The following CDK10 variants were observed in gnomAD, a reference collection of about 807,000 sequenced individuals.
CDK10 encodes the protein cyclin-dependent kinase 10.
Under a neutral mutation model 51.0 loss-of-function variants are expected in CDK10, and 55 were observed. The observed-to-expected ratio is 1.08, with a 90% CI of 0.87 to 1.35. The LOEUF is 1.35. Ranked by LOEUF, CDK10 falls within the 40% of genes most tolerant of loss-of-function variation. The pLI is 0.00. For missense variants in CDK10, 589 were observed against 485.1 expected, an observed-to-expected ratio of 1.21 and a Z score of -2.01; for synonymous variants, 255 against 199.1, an observed-to-expected ratio of 1.28 and a Z score of -2.36.
At chr16:89,691,015 G>C (rs1374902115) in intron 3 of CDK10, among the ~76,000 whole-genome samples, 3 of 152,230 alleles carry the variant, frequency 2.0e-5, no homozygotes, top group East Asian at 1.9e-4. Flanking sequence ...GCCGGGCATG[G>C]TGGCTCATGC....
chr16:89,691,535 C>T lies in CDK10; in HGVS notation c.325C>T (p.His109Tyr), dbSNP rs1212845250. 1 of 1,613,390 alleles carries T rather than the reference C, an allele frequency of 6.2e-7. No individual in the cohort carries two copies. The highest frequency in any genetic ancestry group is 1.3e-5 in the African/African-American group (1 of 74,912). The part of the protein sequence containing the change: ...VELKEVVVGN[H>Y]LESIFLVMGY... ...GCTGAAGGAGGTGGTTGTGGGGAAC[C>T]ACCTGGAGAGGTACGTGGTCTCCTG... The change falls in exon 4 of 13, where the codon CAC (histidine) becomes TAC (tyrosine). Residue 109 changes from histidine to tyrosine, a missense_variant. Transcript: ENST00000353379.
Position 89,692,437 on chromosome 16 carries a change from C to T in CDK10, c.418-12C>T, listed in dbSNP as rs776111843. 9.7e-6 allele frequency: 15 copies of T among 1,552,248 alleles called. No homozygotes were observed. The highest frequency in any genetic ancestry group is 7.2e-5 in the East Asian group (3 of 41,490). On this transcript the variant is annotated splice_polypyrimidine_tract_variant and intron_variant, in intron 5 of 12. Transcript: ENST00000353379. ...GGCTCACCCTGACTGGTACCTCTGA[C>T]CCTCTGCACAGGTCAAGTGCATCGT...
chr16:89,695,811 G>C lies in CDK10; in HGVS notation c.*119G>C. 6.4e-7 allele frequency: 1 copy of C among 1,553,212 alleles called. No individual in the cohort carries two copies. Among genetic ancestry groups the C allele is most frequent in the Non-Finnish European group, 8.7e-7 (1 of 1,152,828 alleles). On this transcript the variant is annotated 3_prime_UTR_variant, in exon 13 of 13. Transcript: ENST00000353379. ...GGGATCCAGCTCATCCCCTTGGCTG[G>C]GAACATCCTCCACTGACTTCCTCCC...
intron 1 of CDK10, 146 bp downstream of exon 1, chr16:89,686,943 G>A: frequency 3.0e-6 from 2 of 656,908 alleles, no homozygotes; most frequent in South Asian, 2.2e-5. Flanking sequence ...CGGCGGGGGC[G>A]GAAGCCGGGG....
At chr16:89,693,573 C>A in intron 8 of CDK10, 106 bp downstream of exon 8, 4 of 1,122,334 alleles carry the variant, frequency 3.6e-6, no homozygotes, top group Middle Eastern at 2.8e-4. Context: ...GAATGTTAAG[C>A]TACAGGGTCT....
At chr16:89,688,749 G>T (rs905329629) in intron 1 of CDK10, among the ~76,000 whole-genome samples, 1 of 152,150 alleles carries the variant, frequency 6.6e-6, no homozygotes, top group Admixed American at 6.5e-5. Flanking sequence ...CTGAGTGGCC[G>T]CCTCTGATAT....
At chr16:89,686,859 C>T (rs1254946356) in intron 1 of CDK10, 62 bp downstream of exon 1, 1 of 1,407,268 alleles carries the variant, frequency 7.1e-7, no homozygotes, top group Admixed American at 2.0e-5. Context: ...CCGGCTGGGT[C>T]TGGGGAGCCT....
intron 1 of CDK10, among the ~76,000 whole-genome samples, chr16:89,688,715 G>T (rs1023363634): frequency 1.1e-4 from 16 of 152,198 alleles, no homozygotes; most frequent in African/African-American, 3.9e-4. Flanking sequence ...ATGTATTTTT[G>T]TATGTGGGAT....
chr16:89,695,929 C>A lies in CDK10; in HGVS notation c.*237C>A. ...GTGCACCCTGGAAGGGCAGGTCTGG[C>A]GGCTCCATCCGTGGCTGCAGGGGTC... is the stretch of plus-strand genomic sequence containing the variant. On this transcript the variant is annotated 3_prime_UTR_variant, in exon 13 of 13. Coordinates refer to ENST00000353379, the MANE Select transcript of CDK10 (RefSeq NM_052988.5). The A allele has an allele frequency of 2.6e-6, 2 of 781,736 alleles. No individual in the cohort carries two copies. The highest frequency in any genetic ancestry group is 2.1e-6 in the Non-Finnish European group (1 of 481,270). 48.4% of individuals were successfully genotyped at this position (781,736 alleles called of 1,614,324 possible). A position where few individuals can be genotyped will look rare whatever the true frequency, so the allele number is the denominator to read the frequency against.
rs934543687 is a variant in CDK10 at position 89,692,503 on chromosome 16, T to G, written c.472T>G (p.Phe158Val). 7 of 1,593,262 alleles carry G rather than the reference T, an allele frequency of 4.4e-6. No homozygotes were observed. Among genetic ancestry groups the G allele is most frequent in the Non-Finnish European group, 6.0e-6 (7 of 1,169,722 alleles). ...LRGLQYLHRN[F>V]IIHRDLKVSN... ...GGGCCTCCAGTATCTGCACAGGAAC[T>G]TCATTATCCACAGGTGGGTGACAGC... The change falls in exon 6 of 13, where the codon TTC becomes GTC. Residue 158 changes from phenylalanine (F) to valine (V), a missense_variant. Phe to Val is a conservative substitution (Grantham distance 50, BLOSUM62 -1). Transcript: ENST00000353379.
At chr16:89,690,679 TGA>T in intron 3 of CDK10, 55 bp downstream of exon 3, 1 of 1,454,188 alleles carries the variant, frequency 6.9e-7, no homozygotes, top group Non-Finnish European at 9.7e-7. Context: ...CAGAAGGATG[TGA>T]GTTACCTGAA....
chr16:89,690,644 G>C lies in CDK10; in HGVS notation c.232+20G>C. 6.2e-7 allele frequency: 1 copy of C among 1,604,110 alleles called. No homozygotes were observed. The highest frequency in any genetic ancestry group is 8.5e-7 in the Non-Finnish European group (1 of 1,170,880). On this transcript the variant is annotated intron_variant, in intron 3 of 12. Transcript: ENST00000353379. ...AGGATGGTGAGCAGGAAATTGGGGT[G>C]TTGGGACCTCGCACTGGGAGGAGGC...
chr16:89,688,373 C>T (rs1246278974), intron 1 of CDK10, among the ~76,000 whole-genome samples: 6 of 152,128 alleles, frequency 3.9e-5, no homozygotes, highest in Non-Finnish European at 8.8e-5. Flanking sequence ...TGAGCCACTG[C>T]GCCCGGCTTA....
intron 3 of CDK10, 43 bp from the exon 4 acceptor site, chr16:89,691,400 C>T: frequency 1.4e-6 from 2 of 1,477,082 alleles, no homozygotes; most frequent in Non-Finnish European, 1.9e-6. Flanking sequence ...GGCTTCCCCG[C>T]CATCACTGGG....
At chr16:89,691,283 CA>C (rs751971099) in intron 3 of CDK10, among the ~76,000 whole-genome samples, 159 bp from the exon 4 acceptor site, 207 of 142,356 alleles carry the variant, frequency 1.5e-3, no homozygotes, top group East Asian at 1.6e-3. Context: ...AACTCCGTCT[CA>C]AAAAAAAAAA....
At chr16:89,695,136 C>G in intron 11 of CDK10, 66 bp downstream of exon 11, 1 of 1,564,690 alleles carries the variant, frequency 6.4e-7, no homozygotes, top group Non-Finnish European at 8.7e-7. Flanking sequence ...TTTCCCAGAG[C>G]CCAGCCTCAC....
chr16:89,687,894 G>A (rs1176421758), intron 1 of CDK10: 3 of 312,712 alleles, frequency 9.6e-6, no homozygotes, highest in Non-Finnish European at 1.9e-5. Context: ...CTTCTGACTC[G>A]GTCCCCAGGT....
At position 89,690,541 on chromosome 16, in the gene CDK10, T is replaced by C. The variant is rs761779676; in HGVS notation, c.161-12T>C. ...TCGAGATGATGTCATCACCAATGTGTTTCCATTCCAGATCGGGCCCGGGAC... is the reference window on the plus strand; with the variant it reads ...TCGAGATGATGTCATCACCAATGTGCTTCCATTCCAGATCGGGCCCGGGAC... On this transcript the variant is annotated splice_polypyrimidine_tract_variant and intron_variant, in intron 2 of 12. Transcript: ENST00000353379. The C allele has an allele frequency of 6.2e-7, 1 of 1,613,352 alleles. No homozygotes were observed. The highest frequency in any genetic ancestry group is 8.5e-7 in the Non-Finnish European group (1 of 1,179,368).
chr16:89,694,351 G>T, intron 9 of CDK10, 119 bp downstream of exon 9: 1 of 1,092,602 alleles, frequency 9.2e-7, no homozygotes, highest in Non-Finnish European at 1.4e-6. Flanking sequence ...GTCTTTGCCA[G>T]CCTCCCACTC....
Sources: gnomAD v4.1 joint callset for allele counts (sites outside exome capture counted in the v4.1 genomes callset) on GRCh38, gnomAD v4.1.1 for gene constraint, MANE v1.5 for transcripts, NCBI Gene and HGNC (gene_info 2026-07-23, HGNC 2026-07-21) for gene names.